Variants in VAV3 observed in about 807,000 individuals in gnomAD.
VAV3 encodes guanine nucleotide exchange factor VAV3.
Under a neutral mutation model 131.2 loss-of-function variants are expected in VAV3, and 94 were observed. The observed-to-expected ratio is 0.72, with a 90% CI of 0.61 to 0.85. The LOEUF is 0.85. Among genes scored for constraint, VAV3 ranks in the 40% least tolerant of loss-of-function variants. The pLI is 0.00. For synonymous variants in VAV3, 349 were observed against 342.0 expected (o/e 1.02, Z -0.22); for missense variants, 939 against 1,002.7 (o/e 0.94, Z 0.86).
rs376355345 is a variant in VAV3 at position 107,867,371 on chromosome 1, A to G, written c.321+7530T>C. 1.1e-4 allele frequency among the ~76,000 whole-genome samples: 16 copies of G among 152,326 alleles called. No homozygotes were observed. The South Asian group carries it at 1.7e-3, about 16-fold the overall frequency. ...TGCATGGCTCGGGTACTAAAGTTCT[A>G]TAAGAGGAGGTAGGAATGGAAAAAT... On this transcript the variant is annotated intron_variant, in intron 2 of 26. Transcript: ENST00000370056.
chr1:107,913,761 A>G (rs1164978021), intron 1 of VAV3, among the ~76,000 whole-genome samples: 2 of 152,162 alleles, frequency 1.3e-5, no homozygotes, highest in African/African-American at 4.8e-5. Flanking sequence ...CACTAACAAA[A>G]ATTTTAATTT....
chr1:107,739,250 A>G (rs936226824), intron 15 of VAV3, among the ~76,000 whole-genome samples: 3 of 152,188 alleles, frequency 2.0e-5, no homozygotes, highest in Non-Finnish European at 4.4e-5. Flanking sequence ...CAAGAATACT[A>G]TTTAATATTT....
chr1:107,858,755 G>A (rs1285711421), intron 2 of VAV3, among the ~76,000 whole-genome samples: 1 of 152,174 alleles, frequency 6.6e-6, no homozygotes, highest in Non-Finnish European at 1.5e-5. Flanking sequence ...TAAAAGGTTG[G>A]GGACTGATGC....
chr1:107,719,862 T>C (rs1246627575), intron 15 of VAV3, among the ~76,000 whole-genome samples: 1 of 152,210 alleles, frequency 6.6e-6, no homozygotes, highest in Non-Finnish European at 1.5e-5. Context: ...ATATACACCA[T>C]GGAATACTAT....
chr1:107,958,883 A>G (rs1674945620), intron 1 of VAV3, among the ~76,000 whole-genome samples: 1 of 152,190 alleles, frequency 6.6e-6, no homozygotes, highest in Admixed American at 6.5e-5. Context: ...AAATACATAT[A>G]CACAAGAGTA....
intron 19 of VAV3, among the ~76,000 whole-genome samples, chr1:107,667,410 C>T (rs1202827921): frequency 6.6e-6 from 1 of 152,146 alleles, no homozygotes; most frequent in Non-Finnish European, 1.5e-5. Context: ...TGGCCACCCA[C>T]ACATGCATGT....
At chr1:107,640,568 T>C (rs1655268439) in intron 20 of VAV3, among the ~76,000 whole-genome samples, 1 of 152,214 alleles carries the variant, frequency 6.6e-6, no homozygotes, top group African/African-American at 2.4e-5. Context: ...ATTATAGTGA[T>C]AGTTTCACTT....
intron 1 of VAV3, among the ~76,000 whole-genome samples, chr1:107,908,014 G>A (rs1438531414): frequency 2.0e-5 from 3 of 152,176 alleles, no homozygotes; most frequent in Non-Finnish European, 2.9e-5. Flanking sequence ...TACGTGTGTT[G>A]AGGAATGAAT....
chr1:107,733,828 AC>A (rs1662417813), intron 15 of VAV3, among the ~76,000 whole-genome samples: 1 of 152,210 alleles, frequency 6.6e-6, no homozygotes, highest in African/African-American at 2.4e-5. Flanking sequence ...CAAGATATTA[AC>A]CAGGAGGACG....
At chr1:107,749,686 C>A (rs895352334) in intron 13 of VAV3, 92 bp from the exon 14 acceptor site, 48 of 1,435,564 alleles carry the variant, frequency 3.3e-5, no homozygotes, top group Non-Finnish European at 4.4e-5. Context: ...ATGTTTTTTT[C>A]TTTGCATTAA....
chr1:107,765,705 A>T (rs1013109807), intron 8 of VAV3, among the ~76,000 whole-genome samples: 5 of 152,194 alleles, frequency 3.3e-5, no homozygotes, highest in Non-Finnish European at 4.4e-5. Flanking sequence ...AACTCATATC[A>T]CATGGAATCT....
chr1:107,574,963 C>CTCTCTCTGTGTGTGTGTG (rs1304869776), intron 25 of VAV3, among the ~76,000 whole-genome samples: 1 of 81,114 alleles, frequency 1.2e-5, no homozygotes, highest in Non-Finnish European at 2.5e-5. Context: ...TTGAGTTTCT[C>CTCTCTCTGTGTGTGTGTG]TGTGTGTGTG....
intron 12 of VAV3, among the ~76,000 whole-genome samples, chr1:107,754,828 T>C (rs1664005527): frequency 6.6e-6 from 1 of 152,148 alleles, no homozygotes; most frequent in Admixed American, 6.5e-5. Flanking sequence ...TTCCCCTAGA[T>C]CTTCGTGTGG....
At chr1:107,923,503 C>T (rs1673016750) in intron 1 of VAV3, among the ~76,000 whole-genome samples, 2 of 152,064 alleles carry the variant, frequency 1.3e-5, no homozygotes, top group South Asian at 4.1e-4. Context: ...AAAAAAAATA[C>T]TTAAGACTGG....
intron 19 of VAV3, among the ~76,000 whole-genome samples, chr1:107,678,589 T>C (rs2101713927): frequency 6.6e-6 from 1 of 152,270 alleles, no homozygotes; most frequent in Middle Eastern, 3.5e-3. Flanking sequence ...ATATTGACAT[T>C]ACATTTAAAA....
In VAV3 at chr1:107,571,999, C is replaced by G. The variant is rs535985544; in HGVS notation, c.*1332G>C. On this transcript the variant is annotated 3_prime_UTR_variant, in exon 27 of 27. Coordinates refer to ENST00000370056, the MANE Select transcript of VAV3 (RefSeq NM_006113.5). ...TTCTTTTTTTTCCCAACATGTAACT[C>G]TCTCAGTCTTGTCAGAACACAACTT... is the stretch of plus-strand genomic sequence containing the variant. 1 of 152,422 alleles carries G rather than the reference C, an allele frequency of 6.6e-6. No homozygotes were observed. The highest frequency in any genetic ancestry group is 2.4e-5 in the African/African-American group (1 of 41,580). The allele number at this position is 152,422 out of a possible 1,614,324, so 9.4% of individuals were successfully genotyped here.
chr1:107,606,015 C>A (rs556024378), intron 22 of VAV3, among the ~76,000 whole-genome samples: 2 of 152,256 alleles, frequency 1.3e-5, no homozygotes, highest in Non-Finnish European at 2.9e-5. Context: ...CTCTACTAAG[C>A]CTGTTGAATT....
At chr1:107,629,079 T>A (rs1654249187) in intron 20 of VAV3, among the ~76,000 whole-genome samples, 1 of 152,210 alleles carries the variant, frequency 6.6e-6, no homozygotes, top group Non-Finnish European at 1.5e-5. Flanking sequence ...TGCCTTTTGG[T>A]TCCAATTAGC....
intron 3 of VAV3, 107 bp from the exon 4 acceptor site, chr1:107,777,403 CA>C: frequency 1.0e-6 from 1 of 970,552 alleles, no homozygotes. Context: ...TGTCTGCTGC[CA>C]AAATGGTCAG....
Sources: allele counts gnomAD v4.1 joint callset (sites outside exome capture counted in the v4.1 genomes callset), GRCh38; gene constraint gnomAD v4.1.1; transcripts MANE v1.5; gene names NCBI Gene and HGNC (gene_info 2026-07-23, HGNC 2026-07-21).